PPP1R12A: variants seen among roughly 807,000 people sequenced by gnomAD.
The protein encoded by PPP1R12A is protein phosphatase 1 regulatory subunit 12A.
PPP1R12A carries 19 observed loss-of-function variants against 139.6 expected under a neutral mutation model. The ratio of observed to expected loss-of-function variants is 0.14; its 90% CI spans 0.09 to 0.20. The LOEUF (loss-of-function observed/expected upper bound fraction) is 0.20. Ranked by LOEUF, PPP1R12A falls within the 10% of genes least tolerant of loss-of-function variation. The probability of loss-of-function intolerance (pLI) is 1.00; values close to 1 mark genes in which losing one functional copy is unlikely to be tolerated. For synonymous variants in PPP1R12A, 427 were observed against 420.6 expected, an observed-to-expected ratio of 1.02 and a Z score of -0.19; for missense variants, 925 against 1,211.5, an observed-to-expected ratio of 0.76 and a Z score of 3.51.
At chr12:79,805,518 T>A (rs1051026436) in intron 14 of PPP1R12A, 74 bp downstream of exon 14, 1 of 1,416,964 alleles carries the variant, frequency 7.1e-7, no homozygotes, top group Non-Finnish European at 9.6e-7. Flanking sequence ...CCTCACAAGA[T>A]CTTTTTTAAA....
chr12:79,808,091 A>T (rs139327923), intron 11 of PPP1R12A, among the ~76,000 whole-genome samples: 1 of 152,012 alleles, frequency 6.6e-6, no homozygotes, highest in East Asian at 1.9e-4. Flanking sequence ...AAATTCTATA[A>T]GCTGAAAAAC....
intron 1 of PPP1R12A, among the ~76,000 whole-genome samples, chr12:79,882,731 T>C (rs1423039371): frequency 6.6e-6 from 1 of 152,146 alleles, no homozygotes; most frequent in Non-Finnish European, 1.5e-5. Context: ...AAATCTTTCA[T>C]GAGAGGAAGA....
At chr12:79,802,744 C>T (rs983699369) in intron 14 of PPP1R12A, among the ~76,000 whole-genome samples, 3 of 152,110 alleles carry the variant, frequency 2.0e-5, no homozygotes, top group African/African-American at 7.2e-5. Flanking sequence ...CACACCACCA[C>T]ACTACAGCCT....
At chr12:79,824,441 T>C (rs1395201205) in intron 5 of PPP1R12A, among the ~76,000 whole-genome samples, 2 of 152,190 alleles carry the variant, frequency 1.3e-5, no homozygotes, top group Non-Finnish European at 2.9e-5. Context: ...GTCACTTTAA[T>C]AATCAAGGAA....
At chr12:79,862,244 C>T (rs1219749790) in intron 2 of PPP1R12A, among the ~76,000 whole-genome samples, 1 of 152,110 alleles carries the variant, frequency 6.6e-6, no homozygotes, top group African/African-American at 2.4e-5. Context: ...AGAAGGAAAA[C>T]TAACAAACAA....
In PPP1R12A at chr12:79,925,721, C is replaced by T. The variant is rs372265461; in HGVS notation, c.237+8974G>A. On this transcript the variant is annotated intron_variant, in intron 1 of 24. Coordinates refer to ENST00000450142, the MANE Select transcript of PPP1R12A (RefSeq NM_002480.3). ...GCAGCAAGCACACTTAGGGCAGTAACACAGAACTCAAGCGTGTCTTTTTAT... is the reference window on the plus strand; with the variant it reads ...GCAGCAAGCACACTTAGGGCAGTAATACAGAACTCAAGCGTGTCTTTTTAT... Among the ~76,000 whole-genome samples the T allele has an allele frequency of 3.4e-4, 52 of 152,194 alleles. 1 individual carries two copies. The highest frequency in any genetic ancestry group is 1.2e-3 in the African/African-American group (51 of 41,526).
At position 79,935,010 on chromosome 12, in the gene PPP1R12A, G is replaced by C; in HGVS notation, c.-79C>G. 2.7e-6 allele frequency: 4 copies of C among 1,481,128 alleles called. No homozygotes were observed. Among genetic ancestry groups the C allele is most frequent in the Non-Finnish European group, 3.6e-6 (4 of 1,114,258 alleles). The allele number at this position is 1,481,128 out of a possible 1,614,324, so 91.7% of individuals were successfully genotyped here. On this transcript the variant is annotated 5_prime_UTR_variant, in exon 1 of 25. Coordinates refer to ENST00000450142, the MANE Select transcript of PPP1R12A (RefSeq NM_002480.3). ...AGAGGGAAGAGAGGGGAGGCAGGGG[G>C]TGTGTGAATGTTTCTATGAGTGCGG...
In PPP1R12A at chr12:79,845,327, T is replaced by A. The variant is rs1879250983; in HGVS notation, c.462A>T (p.Leu154=). The A allele has an allele frequency of 1.9e-6, 3 of 1,612,248 alleles. No individual in the cohort carries two copies. Among genetic ancestry groups the A allele is most frequent in the Non-Finnish European group, 2.5e-6 (3 of 1,178,506 alleles). ...DIAEEEAMEE[L]LQNEVNRQGV... is the part of the protein sequence containing the mutation. ...CTTGCCGATTAACTTCATTTTGAAG[T>A]AGCTCTTCCATTGCCTCCTCCTCCG... The change falls in exon 3 of 25, where the codon CTA becomes CTT. Residue 154 remains leucine, a synonymous_variant. Transcript: ENST00000450142.
At chr12:79,930,151 G>C (rs1888142264) in intron 1 of PPP1R12A, among the ~76,000 whole-genome samples, 1 of 152,138 alleles carries the variant, frequency 6.6e-6, no homozygotes, top group African/African-American at 2.4e-5. Context: ...CCAGAAAAGA[G>C]AATGTGAATC....
chr12:79,831,514 C>A (rs1877424669), intron 4 of PPP1R12A, among the ~76,000 whole-genome samples: 1 of 152,038 alleles, frequency 6.6e-6, no homozygotes, highest in South Asian at 2.1e-4. Context: ...GCCTCTGTCA[C>A]CCAAGAGGAG....
At chr12:79,932,794 T>C (rs1241623417) in intron 1 of PPP1R12A, among the ~76,000 whole-genome samples, 2 of 152,178 alleles carry the variant, frequency 1.3e-5, no homozygotes, top group Non-Finnish European at 2.9e-5. Flanking sequence ...CCTAAACCAG[T>C]ATCACAATAA....
At chr12:79,785,988 T>C (rs1871079217) in intron 22 of PPP1R12A, among the ~76,000 whole-genome samples, 1 of 152,174 alleles carries the variant, frequency 6.6e-6, no homozygotes, top group African/African-American at 2.4e-5. Context: ...AGCACTATAA[T>C]ATAAAATAAC....
intron 14 of PPP1R12A, among the ~76,000 whole-genome samples, chr12:79,800,554 C>A (rs765949452): frequency 6.6e-6 from 1 of 151,506 alleles, no homozygotes; most frequent in East Asian, 1.9e-4. Context: ...TAGGGGGACT[C>A]AAAAGTTTTA....
chr12:79,924,543 C>G (rs1887684979), intron 1 of PPP1R12A, among the ~76,000 whole-genome samples: 1 of 152,166 alleles, frequency 6.6e-6, no homozygotes, highest in South Asian at 2.1e-4. Flanking sequence ...ATCCTCCTGC[C>G]TCAGCCTCCT....
In PPP1R12A at chr12:79,906,730, G is replaced by A. The variant is rs933954468; in HGVS notation, c.237+27965C>T. Among the ~76,000 whole-genome samples the A allele has an allele frequency of 1.2e-4, 18 of 152,040 alleles. 1 individual carries two copies. Among genetic ancestry groups the A allele is most frequent in the African/African-American group, 1.2e-4 (5 of 41,388 alleles). On this transcript the variant is annotated intron_variant, in intron 1 of 24. Transcript: ENST00000450142. ...ACGATCTTGGCTCACTGCAACTTCC[G>A]CCTCCCAGGTTCAGGCAATTCTCCT...
At chr12:79,852,534 A>G (rs1403820109) in intron 2 of PPP1R12A, among the ~76,000 whole-genome samples, 2 of 152,102 alleles carry the variant, frequency 1.3e-5, no homozygotes, top group African/African-American at 4.8e-5. Context: ...TTTGGGTATT[A>G]TAAGACTCTA....
chr12:79,925,283 A>T (rs1941685925), intron 1 of PPP1R12A, among the ~76,000 whole-genome samples: 1 of 151,092 alleles, frequency 6.6e-6, no homozygotes, highest in African/African-American at 2.5e-5. Context: ...TGTGTGTGTA[A>T]CAGTCCATGA....
chr12:79,898,700 T>G (rs1408755089), intron 1 of PPP1R12A, among the ~76,000 whole-genome samples: 1 of 152,218 alleles, frequency 6.6e-6, no homozygotes, highest in East Asian at 1.9e-4. Context: ...TGCCCTGTAC[T>G]TTAGCCAAAC....
intron 24 of PPP1R12A, chr12:79,777,702 A>G: frequency 4.4e-6 from 4 of 909,792 alleles, no homozygotes; most frequent in Non-Finnish European, 5.3e-6. Flanking sequence ...AAGAAAATGG[A>G]AAAGAGTATA....
Sources: allele counts gnomAD v4.1 joint callset (sites outside exome capture counted in the v4.1 genomes callset), GRCh38; gene constraint gnomAD v4.1.1; transcripts MANE v1.5; gene names NCBI Gene and HGNC (gene_info 2026-07-23, HGNC 2026-07-21).